The following PCYT1B variants were observed in gnomAD, a reference collection of about 807,000 sequenced individuals.
The protein encoded by PCYT1B is choline-phosphate cytidylyltransferase B.
A neutral mutation model predicts 26.4 loss-of-function variants in PCYT1B; 10 were observed. The observed-to-expected ratio is 0.38, with a 90% CI of 0.23 to 0.64. The LOEUF is 0.64. PCYT1B is among the 30% of genes least tolerant of loss of function. The pLI is 0.56. For missense variants in PCYT1B, 161 were observed against 292.7 expected (o/e 0.55, Z 3.28); for synonymous variants, 131 against 108.4 (o/e 1.21, Z -1.29).
intron 5 of PCYT1B, 83 bp from the exon 6 acceptor site, chrX:24,579,541 G>C: frequency 2.2e-6 from 2 of 920,105 alleles, no homozygotes; most frequent in Non-Finnish European, 3.1e-6. Context: ...CCCCTTTACA[G>C]GACAAAGTTG....
intron 7 of PCYT1B, among the ~76,000 whole-genome samples, chrX:24,564,304 T>C (rs1386709540): frequency 1.8e-5 from 2 of 111,924 alleles, no homozygotes; most frequent in Admixed American, 9.4e-5. Context: ...TGAGGTATAA[T>C]AAACTCACCC....
intron 1 of PCYT1B, among the ~76,000 whole-genome samples, chrX:24,672,242 A>G (rs1321826051): frequency 8.9e-6 from 1 of 112,502 alleles, no homozygotes; most frequent in African/African-American, 3.2e-5. Flanking sequence ...AGGATAAAGA[A>G]CATTTTGTTA....
chrX:24,633,495 G>A (rs1442953693), intron 1 of PCYT1B, among the ~76,000 whole-genome samples: 1 of 110,356 alleles, frequency 9.1e-6, no homozygotes, highest in Non-Finnish European at 1.9e-5. Flanking sequence ...CCAACATGGT[G>A]AACACCGTCT....
chrX:24,664,700 G>C (rs915058923), intron 1 of PCYT1B, among the ~76,000 whole-genome samples: 2 of 112,394 alleles, frequency 1.8e-5, no homozygotes, highest in African/African-American at 6.5e-5. Flanking sequence ...GCTCACGCCT[G>C]TAATCCCAGC....
chrX:24,671,489 C>T (rs373219352), intron 1 of PCYT1B, among the ~76,000 whole-genome samples: 1 of 111,010 alleles, frequency 9.0e-6, no homozygotes, highest in African/African-American at 3.3e-5. Context: ...ACCAACTGGG[C>T]GAAATGATCA....
chrX:24,635,730 G>A (rs776977386), intron 1 of PCYT1B, among the ~76,000 whole-genome samples: 178 of 111,785 alleles, frequency 1.6e-3, no homozygotes, highest in Non-Finnish European at 2.8e-3. Context: ...GTCACTCAGG[G>A]TTCCATCCTG....
chrX:24,667,199 A>C (rs750298014), intron 1 of PCYT1B, among the ~76,000 whole-genome samples: 5 of 110,790 alleles, frequency 4.5e-5, no homozygotes, highest in Non-Finnish European at 9.4e-5. Context: ...CAATGTTCAG[A>C]GTGAGAACTA....
intron 7 of PCYT1B, among the ~76,000 whole-genome samples, chrX:24,564,275 T>A: frequency 8.9e-6 from 1 of 111,881 alleles, no homozygotes. Flanking sequence ...TCCTAGTATA[T>A]TTTCCCCCAT....
At chrX:24,621,605 T>C (rs899483639) in intron 1 of PCYT1B, among the ~76,000 whole-genome samples, 9 of 111,239 alleles carry the variant, frequency 8.1e-5, no homozygotes, top group African/African-American at 2.9e-4. Context: ...GCCTCCCAAG[T>C]AGCTGGGACT....
At chrX:24,592,890 A>C (rs886204643) in intron 3 of PCYT1B, among the ~76,000 whole-genome samples, 15 of 111,216 alleles carry the variant, frequency 1.3e-4, no homozygotes, top group African/African-American at 4.6e-4. Context: ...CTCTCCCTCA[A>C]GTCTTTCCCC....
chrX:24,559,353 A>G lies in PCYT1B; in HGVS notation c.*2940T>C, dbSNP rs1383140610. 2 of 108,510 alleles carry G rather than the reference A, an allele frequency of 1.8e-5. No homozygotes were observed. The highest frequency in any genetic ancestry group is 3.8e-5 in the Non-Finnish European group (2 of 52,249). The allele number at this position is 108,510 out of a possible 1,213,427, so 8.9% of individuals were successfully genotyped here. A position where few individuals can be genotyped will look rare whatever the true frequency, so the allele number is the denominator to read the frequency against. On this transcript the variant is annotated 3_prime_UTR_variant, in exon 8 of 8. Transcript: ENST00000379144. ...AAAAAGAAAGAAAGAAGAAAGAACA[A>G]AGAAGAATGAAAGAAAGAAGGAAGA... is the stretch of plus-strand genomic sequence containing the variant.
At chrX:24,651,466 AAAAAAAATATATATATAT>A (rs1262495669), upstream of PCYT1B, among the ~76,000 whole-genome samples, 53 of 28,643 alleles carry the variant, frequency 1.9e-3, 1 homozygote, top group Non-Finnish European at 2.8e-3. Context: ...AAAAAAAAAA[AAAAAAAATATATATATAT>A]ATATATATAT....
At chrX:24,570,102 G>A (rs770574713) in intron 7 of PCYT1B, among the ~76,000 whole-genome samples, 163 of 103,961 alleles carry the variant, frequency 1.6e-3, no homozygotes, top group South Asian at 4.3e-3. Context: ...CAGGAGAATC[G>A]GTTGAACCTG....
intron 5 of PCYT1B, among the ~76,000 whole-genome samples, chrX:24,582,018 G>A (rs1449763689): frequency 8.9e-6 from 1 of 112,427 alleles, no homozygotes; most frequent in Non-Finnish European, 1.9e-5. Flanking sequence ...AATCTAACAC[G>A]GAAAACCAAA....
At chrX:24,662,513 G>C (rs1017455670) in intron 1 of PCYT1B, among the ~76,000 whole-genome samples, 6 of 111,758 alleles carry the variant, frequency 5.4e-5, no homozygotes, top group African/African-American at 2.0e-4. Flanking sequence ...AGAGGCAAAG[G>C]CTTGACGTGC....
At chrX:24,663,149 A>T (rs948052797) in intron 1 of PCYT1B, among the ~76,000 whole-genome samples, 2 of 112,353 alleles carry the variant, frequency 1.8e-5, no homozygotes, top group African/African-American at 6.5e-5. Flanking sequence ...TGTATGGTTG[A>T]AGCTTTCCCT....
chrX:24,650,449 A>G (rs1331424616), upstream of PCYT1B, among the ~76,000 whole-genome samples: 1 of 107,662 alleles, frequency 9.3e-6, no homozygotes, highest in African/African-American at 3.4e-5. Context: ...CCTCCCAAGT[A>G]TCTGGGACCA....
chrX:24,618,111 G>T (rs926940609), intron 2 of PCYT1B, among the ~76,000 whole-genome samples: 1 of 111,311 alleles, frequency 9.0e-6, no homozygotes, highest in Non-Finnish European at 1.9e-5. Context: ...TTGAAAAACA[G>T]ATGGTACCTT....
In PCYT1B at chrX:24,596,135, A is replaced by T. The variant is rs62585299; in HGVS notation, c.335-5961T>A. Among the ~76,000 whole-genome samples, 741 of 112,224 alleles carry T rather than the reference A, an allele frequency of 6.6e-3. 4 individuals are homozygous for T. Among genetic ancestry groups the T allele is most frequent in the Middle Eastern group, 0.014 (3 of 218 alleles). On this transcript the variant is annotated intron_variant, in intron 3 of 7. Coordinates refer to ENST00000379144, the MANE Select transcript of PCYT1B (RefSeq NM_004845.5). Reference sequence around the variant, plus strand: ...AAAAAACACACTAGTATAAATTTTAATTCCTTGGCCTGTTTTTAAATGACA... The same window carrying T: ...AAAAAACACACTAGTATAAATTTTATTTCCTTGGCCTGTTTTTAAATGACA...
Sources: gnomAD v4.1 joint callset for allele counts (sites outside exome capture counted in the v4.1 genomes callset) on GRCh38, gnomAD v4.1.1 for gene constraint, MANE v1.5 for transcripts, NCBI Gene and HGNC (gene_info 2026-07-23, HGNC 2026-07-21) for gene names.